Variants in UCHL5 observed in about 807,000 individuals in gnomAD.
UCHL5 encodes ubiquitin C-terminal hydrolase L5, also known as ubiquitin carboxyl-terminal hydrolase isozyme L5.
UCHL5 carries 34 observed loss-of-function variants against 53.8 expected under a neutral mutation model. The ratio of observed to expected loss-of-function variants is 0.63; its 90% CI spans 0.48 to 0.84. The LOEUF (loss-of-function observed/expected upper bound fraction) is 0.84, where lower values mean the gene tolerates loss of function less well. UCHL5 is among the 40% of genes least tolerant of loss of function. The pLI is 0.00. For synonymous variants in UCHL5, 111 were observed against 126.3 expected (o/e 0.88, Z 0.81); for missense variants, 290 against 385.6 (o/e 0.75, Z 2.08).
intron 3 of UCHL5, among the ~76,000 whole-genome samples, chr1:193,030,183 C>T (rs529043979): frequency 6.6e-6 from 1 of 152,242 alleles, no homozygotes; most frequent in Admixed American, 6.5e-5. Context: ...CTTTACATTG[C>T]TATCATCTAG....
intron 3 of UCHL5, among the ~76,000 whole-genome samples, chr1:193,032,400 G>A (rs571805993): frequency 6.6e-5 from 10 of 152,130 alleles, no homozygotes; most frequent in East Asian, 1.9e-4. Context: ...AAATTTAAAC[G>A]TAAGACCTAA....
Position 193,016,270 on chromosome 1 carries a change from G to A in UCHL5, c.*81C>T, listed in dbSNP as rs1654889618. 2.0e-6 allele frequency: 3 copies of A among 1,527,120 alleles called. No individual in the cohort carries two copies. Among genetic ancestry groups the A allele is most frequent in the African/African-American group, 2.8e-5 (2 of 70,992 alleles). 94.6% of individuals were successfully genotyped at this position (1,527,120 alleles called of 1,614,324 possible). ...AAACGTGCACTGAGCCAATTAGGAT[G>A]TTGCTCTAAGTTCTTTATACATAAT... is the stretch of plus-strand genomic sequence containing the variant. On this transcript the variant is annotated 3_prime_UTR_variant, in exon 11 of 11. Transcript: ENST00000367454.
intron 3 of UCHL5, among the ~76,000 whole-genome samples, chr1:193,047,957 AACTT>A (rs1667871432): frequency 6.6e-6 from 1 of 150,884 alleles, no homozygotes; most frequent in Non-Finnish European, 1.5e-5. Flanking sequence ...AAAGCAGTAA[AACTT>A]ATTTTTATCA....
intron 3 of UCHL5, among the ~76,000 whole-genome samples, chr1:193,045,328 G>T (rs1345084284): frequency 6.6e-6 from 1 of 152,214 alleles, no homozygotes; most frequent in African/African-American, 2.4e-5. Context: ...ATGTTGAAAT[G>T]TAATCCCCAA....
intron 3 of UCHL5, among the ~76,000 whole-genome samples, chr1:193,048,637 T>G (rs2102813697): frequency 6.6e-6 from 1 of 152,324 alleles, no homozygotes; most frequent in African/African-American, 2.4e-5. Flanking sequence ...CACATCTGTG[T>G]GAGACAGAAC....
intron 3 of UCHL5, among the ~76,000 whole-genome samples, chr1:193,048,037 A>G (rs976924850): frequency 2.6e-5 from 4 of 152,216 alleles, no homozygotes; most frequent in African/African-American, 9.6e-5. Flanking sequence ...GGAAGTACAA[A>G]TAAAGAACTA....
chr1:193,015,467 T>C lies in UCHL5; in HGVS notation c.*884A>G, dbSNP rs573211547. On this transcript the variant is annotated 3_prime_UTR_variant, in exon 11 of 11. Coordinates refer to ENST00000367454, the MANE Select transcript of UCHL5 (RefSeq NM_001199261.3). ...AAAAATCAATTGTGAGCAAATTACA[T>C]ATGGCTCTTGAAAACTGCAGGCTGT... 6.6e-6 allele frequency: 1 copy of C among 152,066 alleles called. No homozygotes were observed. The highest frequency in any genetic ancestry group is 6.6e-5 in the Admixed American group (1 of 15,248). 9.4% of individuals were successfully genotyped at this position (152,066 alleles called of 1,614,324 possible).
intron 3 of UCHL5, among the ~76,000 whole-genome samples, chr1:193,030,025 G>A (rs745796929): frequency 5.3e-5 from 8 of 152,092 alleles, no homozygotes; most frequent in Non-Finnish European, 1.0e-4. Flanking sequence ...AATTCAATTA[G>A]TATTTTATAA....
chr1:193,036,282 A>G (rs1015919678), intron 3 of UCHL5, among the ~76,000 whole-genome samples: 3 of 149,028 alleles, frequency 2.0e-5, no homozygotes, highest in African/African-American at 7.4e-5. Context: ...CCAAAAGGGA[A>G]AGGGTGGAAG....
chr1:193,021,140 T>G lies in UCHL5; in HGVS notation c.899A>C (p.Lys300Thr). 1.2e-6 allele frequency: 2 copies of G among 1,610,800 alleles called. No homozygotes were observed. The highest frequency in any genetic ancestry group is 1.7e-6 in the Non-Finnish European group (2 of 1,178,180). The change falls in exon 10 of 11, where the codon AAG becomes ACG. Residue 300 changes from lysine to threonine, a missense_variant. Physicochemically the swap from Lys to Thr is moderately conservative, Grantham distance 78. Transcript: ENST00000367454. The stretch of plus-strand genomic sequence containing the variant: ...TAACTGCTGGTGTTCTGCTAAAGTC[T>G]TTAACAATTCCATAATGAAAGGCAG... The part of the protein sequence containing the change: ...NYLPFIMELL[K>T]TLAEHQQLIP...
intron 7 of UCHL5, among the ~76,000 whole-genome samples, chr1:193,026,394 A>G (rs1008866511): frequency 2.0e-5 from 3 of 152,208 alleles, no homozygotes; most frequent in African/African-American, 7.2e-5. Context: ...TTTGCAGGCA[A>G]TGTGTTTGAT....
intron 10 of UCHL5, 129 bp downstream of exon 10, chr1:193,020,968 A>T (rs929280360): frequency 1.5e-6 from 1 of 660,242 alleles, no homozygotes; most frequent in African/African-American, 1.8e-5. Context: ...AACAAGAGGC[A>T]AAAGCAAAAG....
intron 1 of UCHL5, among the ~76,000 whole-genome samples, chr1:193,052,780 T>A (rs182636795): frequency 6.6e-6 from 1 of 152,254 alleles, no homozygotes; most frequent in African/African-American, 2.4e-5. Flanking sequence ...ATCATCACAA[T>A]ACAAAAATCA....
intron 3 of UCHL5, among the ~76,000 whole-genome samples, chr1:193,043,309 T>C (rs1201467136): frequency 6.6e-6 from 1 of 152,066 alleles, no homozygotes; most frequent in Non-Finnish European, 1.5e-5. Flanking sequence ...TTCAGCTACA[T>C]TGGTCTTCTT....
rs762394887 is a variant in UCHL5 at position 193,029,458 on chromosome 1, A to AT, written c.373-10dup. 2 of 1,613,490 alleles carry AT rather than the reference A, an allele frequency of 1.2e-6. No homozygotes were observed. Among genetic ancestry groups the AT allele is most frequent in the Non-Finnish European group, 1.7e-6 (2 of 1,179,774 alleles). On this transcript the variant is annotated splice_polypyrimidine_tract_variant and intron_variant, in intron 4 of 10. Transcript: ENST00000367454. Reference sequence around the variant, plus strand: ...AGTGCCAAGCCTTTCATCTAAAATAATTTTTTAAAGTAGCCTATTAATATA... The same window carrying AT: ...AGTGCCAAGCCTTTCATCTAAAATAATTTTTTTAAAGTAGCCTATTAATATA...
intron 1 of UCHL5, among the ~76,000 whole-genome samples, chr1:193,052,091 T>G (rs1275799400): frequency 2.0e-5 from 3 of 152,168 alleles, no homozygotes; most frequent in Non-Finnish European, 4.4e-5. Flanking sequence ...GGCACCTCTA[T>G]CCACTCTTTT....
At chr1:193,040,243 C>T (rs1278604782) in intron 3 of UCHL5, among the ~76,000 whole-genome samples, 1 of 152,018 alleles carries the variant, frequency 6.6e-6, no homozygotes, top group Non-Finnish European at 1.5e-5. Context: ...TTGCAAACTA[C>T]CCATCTTATA....
Position 193,023,869 on chromosome 1 carries a change from G to A in UCHL5, c.707C>T (p.Ala236Val). 1 of 1,612,552 alleles carries A rather than the reference G, an allele frequency of 6.2e-7. No individual in the cohort carries two copies. Among genetic ancestry groups the A allele is most frequent in the Non-Finnish European group, 8.5e-7 (1 of 1,179,462 alleles). Residue 236 changes from alanine (A) to valine (V), a missense_variant, in exon 8 of 11, where the codon GCA becomes GTA. By Grantham distance (64) the Ala-to-Val change is moderately conservative (BLOSUM62 0). Coordinates refer to ENST00000367454, the MANE Select transcript of UCHL5 (RefSeq NM_001199261.3). Reference protein sequence around the residue: ...DRKMIYEQKIAELQRQLAEEP... With the variant: ...DRKMIYEQKIVELQRQLAEEP... ...CTCTGCAAGTTGTCTTTGTAACTCTGCTATCTTCTGCTCATATATCATTTT... is the reference window on the plus strand; with the variant it reads ...CTCTGCAAGTTGTCTTTGTAACTCTACTATCTTCTGCTCATATATCATTTT...
At chr1:193,027,858 C>T in intron 7 of UCHL5, 1 of 1,438,712 alleles carries the variant, frequency 7.0e-7, no homozygotes, top group African/African-American at 1.4e-5. Context: ...CACAGTGGCT[C>T]ACGCCTGTAA....
Sources: gnomAD v4.1 joint callset for allele counts (sites outside exome capture counted in the v4.1 genomes callset) on GRCh38, gnomAD v4.1.1 for gene constraint, MANE v1.5 for transcripts, NCBI Gene and HGNC (gene_info 2026-07-23, HGNC 2026-07-21) for gene names.